The following DGKG variants were observed in gnomAD, a reference collection of about 807,000 sequenced individuals.
DGKG encodes diacylglycerol kinase gamma.
A neutral mutation model predicts 105.3 loss-of-function variants in DGKG; 78 were observed. The observed-to-expected ratio is 0.74, with a 90% confidence interval of 0.62 to 0.89. The LOEUF is 0.89. Among genes scored for constraint, DGKG ranks in the 40% least tolerant of loss-of-function variants. DGKG has a pLI of 0.00. For missense variants in DGKG, 958 were observed against 1,020.1 expected (o/e 0.94, Z 0.83); for synonymous variants, 346 against 367.1 (o/e 0.94, Z 0.66).
intron 2 of DGKG, among the ~76,000 whole-genome samples, chr3:186,308,510 T>A (rs1046153808): frequency 6.6e-6 from 1 of 152,214 alleles, no homozygotes; most frequent in Admixed American, 6.5e-5. Context: ...AGAGGGTTAA[T>A]GTCTCTTAAG....
intron 16 of DGKG, among the ~76,000 whole-genome samples, 168 bp from the exon 17 acceptor site, chr3:186,258,107 T>G (rs1218381487): frequency 1.3e-5 from 2 of 152,208 alleles, no homozygotes; most frequent in African/African-American, 4.8e-5. Flanking sequence ...TACTATGCAG[T>G]GCCTTGAATA....
At chr3:186,247,666 G>C in intron 19 of DGKG, among the ~76,000 whole-genome samples, 1 of 152,076 alleles carries the variant, frequency 6.6e-6, no homozygotes, top group East Asian at 1.9e-4. Flanking sequence ...TTTAAAGAGC[G>C]AGCATACAAA....
At chr3:186,318,748 G>A (rs148424771) in intron 2 of DGKG, among the ~76,000 whole-genome samples, 2 of 152,164 alleles carry the variant, frequency 1.3e-5, no homozygotes, top group African/African-American at 2.4e-5. Flanking sequence ...GCTCTCAGAA[G>A]GAGCCAGCGC....
chr3:186,292,203 C>T (rs1350644199), intron 5 of DGKG, among the ~76,000 whole-genome samples: 1 of 152,182 alleles, frequency 6.6e-6, no homozygotes, highest in Non-Finnish European at 1.5e-5. Flanking sequence ...GTTCCACTTT[C>T]TCCCTTGGTA....
chr3:186,222,498 T>A (rs1368030039), intron 20 of DGKG, among the ~76,000 whole-genome samples: 1 of 152,216 alleles, frequency 6.6e-6, no homozygotes, highest in Non-Finnish European at 1.5e-5. Context: ...TATTTTTGAA[T>A]TGACACAATA....
At chr3:186,209,088 C>CTTTTTTTTTTTTTT (rs1560096022) in intron 21 of DGKG, among the ~76,000 whole-genome samples, 4 of 124,886 alleles carry the variant, frequency 3.2e-5, no homozygotes, top group African/African-American at 1.3e-4. Flanking sequence ...CTTCAGTTTA[C>CTTTTTTTTTTTTTT]TCTTCTTTTT....
intron 1 of DGKG, among the ~76,000 whole-genome samples, chr3:186,353,043 C>T (rs1333710122): frequency 6.6e-6 from 1 of 152,168 alleles, no homozygotes; most frequent in Non-Finnish European, 1.5e-5. Flanking sequence ...GAAGTGTAGA[C>T]AACAAAAACT....
intron 2 of DGKG, among the ~76,000 whole-genome samples, chr3:186,307,884 T>TTG (rs1724329528): frequency 6.6e-6 from 1 of 151,408 alleles, no homozygotes; most frequent in African/African-American, 2.4e-5. Context: ...TCTGTCCCTT[T>TTG]TTTTTTTTTT....
intron 24 of DGKG, chr3:186,158,167 GTTATTTTCTTCTTTTATCTTTA>G: frequency 1.4e-6 from 1 of 706,986 alleles, no homozygotes; most frequent in Non-Finnish European, 1.7e-6. Flanking sequence ...CCTGTTTTTA[GTTATTTTCTTCTTTTATCTTTA>G]TTATTTTCTT....
rs1385044483 is a variant in DGKG at position 186,361,371 on chromosome 3, C to CTT, written c.-249+574_-249+575insAA. On this transcript the variant is annotated intron_variant, in intron 1 of 24. Coordinates refer to ENST00000265022, the MANE Select transcript of DGKG (RefSeq NM_001346.3). The surrounding 1 kb of genome is among the most constrained non-coding windows in gnomAD (Gnocchi z 6.8). ...ACACACACGGACACATCTTGTGACT[C>CTT]TGAGACTACACAGATCAACCTCAGA... 6.6e-6 allele frequency among the ~76,000 whole-genome samples: 1 copy of CTT among 152,164 alleles called. No homozygotes were observed. Among genetic ancestry groups the CTT allele is most frequent in the Non-Finnish European group, 1.5e-5 (1 of 68,026 alleles).
intron 1 of DGKG, among the ~76,000 whole-genome samples, chr3:186,343,802 TA>T (rs531345931): frequency 0.022 from 3,367 of 151,958 alleles, 103 homozygotes; most frequent in African/African-American, 0.072. Flanking sequence ...GGCATCTCTT[TA>T]AAAAAAAATT....
At chr3:186,193,819 G>C (rs919519830) in intron 21 of DGKG, among the ~76,000 whole-genome samples, 3 of 152,236 alleles carry the variant, frequency 2.0e-5, no homozygotes, top group Non-Finnish European at 2.9e-5. Flanking sequence ...CCAGCGTGGC[G>C]CTAAGGAGTG....
chr3:186,359,006 G>A (rs1727106020), intron 1 of DGKG, among the ~76,000 whole-genome samples: 2 of 152,220 alleles, frequency 1.3e-5, no homozygotes, highest in Admixed American at 1.3e-4. Context: ...ATAGCTTTAT[G>A]TTGTATGGTT....
chr3:186,180,273 A>T (rs1717295229), intron 22 of DGKG, among the ~76,000 whole-genome samples: 1 of 152,054 alleles, frequency 6.6e-6, no homozygotes, highest in African/African-American at 2.4e-5. Context: ...GATAATGACT[A>T]GTTTGGGGCA....
chr3:186,208,061 A>G (rs1291607708), intron 21 of DGKG, among the ~76,000 whole-genome samples: 3 of 150,912 alleles, frequency 2.0e-5, no homozygotes, highest in South Asian at 2.1e-4. Context: ...CTTTTTTTTG[A>G]GACAGAGTCT....
In DGKG at chr3:186,275,585, A is replaced by C; in HGVS notation, c.872T>G (p.Met291Arg). The change falls in exon 10 of 25, where the codon ATG (methionine) becomes AGG (arginine). Residue 291 changes from methionine to arginine, a missense_variant. By Grantham distance (91) the Met-to-Arg change is moderately conservative. Coordinates refer to ENST00000265022, the MANE Select transcript of DGKG (RefSeq NM_001346.3). ...KPTYCNFCHI[M>R]LMGVRKQGLC... ...GCCTTGCTTGCGGACGCCCATGAGCATGATATGGCAGAAGTTGCAGTAGGT... is the reference window on the plus strand; with the variant it reads ...GCCTTGCTTGCGGACGCCCATGAGCCTGATATGGCAGAAGTTGCAGTAGGT... 2 of 1,614,248 alleles carry C rather than the reference A, an allele frequency of 1.2e-6. No homozygotes were observed. The highest frequency in any genetic ancestry group is 1.7e-6 in the Non-Finnish European group (2 of 1,180,038).
intron 21 of DGKG, among the ~76,000 whole-genome samples, chr3:186,195,343 C>G (rs1034200398): frequency 6.6e-6 from 1 of 152,070 alleles, no homozygotes; most frequent in Non-Finnish European, 1.5e-5. Flanking sequence ...TATTGTTACT[C>G]TTTAAAAAAT....
chr3:186,242,127 C>T (rs991823218), intron 20 of DGKG, among the ~76,000 whole-genome samples: 2 of 152,164 alleles, frequency 1.3e-5, no homozygotes, highest in Non-Finnish European at 2.9e-5. Context: ...CTGCTCTTCC[C>T]CAAAAGAATC....
intron 3 of DGKG, among the ~76,000 whole-genome samples, chr3:186,301,428 C>T (rs1723915579): frequency 6.6e-6 from 1 of 152,194 alleles, no homozygotes; most frequent in African/African-American, 2.4e-5. Flanking sequence ...GAGATCGAGA[C>T]CATCCTGGCT....
Sources: allele counts gnomAD v4.1 joint callset (sites outside exome capture counted in the v4.1 genomes callset), GRCh38; gene constraint gnomAD v4.1.1; non-coding constraint Gnocchi (gnomAD v3.1); transcripts MANE v1.5; gene names NCBI Gene and HGNC (gene_info 2026-07-23, HGNC 2026-07-21).